Variants in OTULINL observed in about 807,000 individuals in gnomAD.
OTULINL encodes the protein OTU deubiquitinase with linear linkage specificity like.
OTULINL carries 42 observed loss-of-function variants against 43.9 expected under a neutral mutation model. The observed-to-expected ratio is 0.96, with a 90% CI of 0.75 to 1.24. The LOEUF is 1.24. Among genes scored for constraint, OTULINL ranks in the 50% most tolerant of loss-of-function variants. The pLI is 0.00. For missense variants in OTULINL, 411 were observed against 426.4 expected, an observed-to-expected ratio of 0.96 and a Z score of 0.32; for synonymous variants, 172 against 153.6, an observed-to-expected ratio of 1.12 and a Z score of -0.88.
chr5:14,589,109 C>T (rs1759155857), intron 1 of OTULINL, among the ~76,000 whole-genome samples: 1 of 152,152 alleles, frequency 6.6e-6, no homozygotes, highest in South Asian at 2.1e-4. Flanking sequence ...ACTCAGAAAG[C>T]AGAGTGAAAA....
chr5:14,610,466 G>A lies in OTULINL; in HGVS notation c.*152G>A. On this transcript the variant is annotated 3_prime_UTR_variant, in exon 8 of 8. Transcript: ENST00000274217. ...GGTACACTGGATGCAGCCATGCATG[G>A]ATGGTTTTTCTTTATTTTTCAGTGA... is the stretch of plus-strand genomic sequence containing the variant. The A allele has an allele frequency of 1.4e-6, 1 of 738,016 alleles. No individual in the cohort carries two copies. The highest frequency in any genetic ancestry group is 2.1e-6 in the Non-Finnish European group (1 of 468,322). The allele number at this position is 738,016 out of a possible 1,614,324, so 45.7% of individuals were successfully genotyped here.
Position 14,610,283 on chromosome 5 carries a change from A to C in OTULINL, c.1040A>C (p.Asn347Thr), listed in dbSNP as rs996320968. ...DWPEISLLTENDRHYHIPVF is the reference protein window; with the variant it reads ...DWPEISLLTETDRHYHIPVF The stretch of plus-strand genomic sequence containing the variant: ...CCGGAGATCTCCCTGCTGACCGAGA[A>C]CGACCGCCACTACCACATTCCAGTC... Residue 347 changes from asparagine to threonine, a missense_variant, in exon 8 of 8, where the codon AAC (asparagine) becomes ACC (threonine). Coordinates refer to ENST00000274217, the MANE Select transcript of OTULINL (RefSeq NM_019018.3). 3 of 1,611,318 alleles carry C rather than the reference A, an allele frequency of 1.9e-6. No homozygotes were observed. The Admixed American group carries it at 5.0e-5, about 27-fold the overall frequency.
intron 5 of OTULINL, among the ~76,000 whole-genome samples, chr5:14,604,431 T>C (rs543361584): frequency 2.4e-4 from 36 of 152,286 alleles, no homozygotes; most frequent in Admixed American, 5.2e-4. Flanking sequence ...ATCTCACATC[T>C]TCACATTTCA....
chr5:14,602,057 G>A (rs1759396937), intron 4 of OTULINL, 126 bp from the exon 5 acceptor site: 2 of 666,224 alleles, frequency 3.0e-6, no homozygotes, highest in Admixed American at 3.4e-5. Context: ...GGTCATATTC[G>A]TAATTTATCA....
At position 14,601,333 on chromosome 5, in the gene OTULINL, A is replaced by AT; in HGVS notation, c.257-12dup. ...AGAAAGGGAGAATTAACAGCTTTTT[A>AT]TTTTTTATTTGGTCCAGGGAACCTC... On this transcript the variant is annotated splice_polypyrimidine_tract_variant and intron_variant, in intron 3 of 7. Transcript: ENST00000274217. 6.2e-7 allele frequency: 1 copy of AT among 1,612,866 alleles called. No individual in the cohort carries two copies. The highest frequency in any genetic ancestry group is 8.5e-7 in the Non-Finnish European group (1 of 1,179,504).
intron 1 of OTULINL, among the ~76,000 whole-genome samples, chr5:14,595,276 C>T (rs748426995): frequency 1.8e-4 from 28 of 152,048 alleles, no homozygotes; most frequent in Non-Finnish European, 3.2e-4. Flanking sequence ...ATTGTATATA[C>T]CATGAATAAG....
chr5:14,592,789 A>G (rs555968549), intron 1 of OTULINL, among the ~76,000 whole-genome samples: 1 of 152,286 alleles, frequency 6.6e-6, no homozygotes, highest in African/African-American at 2.4e-5. Flanking sequence ...GAACACCTCA[A>G]TCTCTTGCTT....
chr5:14,595,061 A>C (rs180722844), intron 1 of OTULINL, among the ~76,000 whole-genome samples: 76 of 152,280 alleles, frequency 5.0e-4, no homozygotes, highest in African/African-American at 1.8e-3. Context: ...AGGTGATTTC[A>C]CTGTATGTAT....
At chr5:14,607,186 C>T (rs1292475983) in intron 5 of OTULINL, 144 bp from the exon 6 acceptor site, 13 of 836,754 alleles carry the variant, frequency 1.6e-5, no homozygotes, top group East Asian at 5.8e-5. Context: ...GCCGAGATCA[C>T]GCCACTGCAC....
chr5:14,602,082 C>T, intron 4 of OTULINL, 101 bp from the exon 5 acceptor site: 1 of 822,408 alleles, frequency 1.2e-6, no homozygotes, highest in East Asian at 2.9e-5. Context: ...TTCTGTTGTC[C>T]ACTTTAGTTG....
Position 14,611,580 on chromosome 5 carries a change from G to GAT in OTULINL, c.*1268_*1269dup, listed in dbSNP as rs1311744506. The GAT allele has an allele frequency of 6.6e-6, 1 of 152,194 alleles. No individual in the cohort carries two copies. The allele number at this position is 152,194 out of a possible 1,614,324, so 9.4% of individuals were successfully genotyped here. A position where few individuals can be genotyped will look rare whatever the true frequency, so the allele number is the denominator to read the frequency against. ...GGACCTCTAATCTGCAGAACTGTAA[G>GAT]ATAATAGATTTGTGTTTAAGCCACT... On this transcript the variant is annotated 3_prime_UTR_variant, in exon 8 of 8. Coordinates refer to ENST00000274217, the MANE Select transcript of OTULINL (RefSeq NM_019018.3).
At position 14,615,553 on chromosome 5, in the gene OTULINL, G is replaced by C. The variant is rs1368729605; in HGVS notation, c.*5239G>C. 6.6e-6 allele frequency among the ~76,000 whole-genome samples: 1 copy of C among 152,158 alleles called. No homozygotes were observed. The highest frequency in any genetic ancestry group is 1.5e-5 in the Non-Finnish European group (1 of 68,042). On this transcript the variant is annotated 3_prime_UTR_variant, in exon 8 of 8. Transcript: ENST00000274217. ...CATCTGTGACTCCCTTAAATAAAAAGGGCCAGAGATGAGGGGACGCCTGGT... is the reference window on the plus strand; with the variant it reads ...CATCTGTGACTCCCTTAAATAAAAACGGCCAGAGATGAGGGGACGCCTGGT...
chr5:14,612,322 T>C lies in OTULINL; in HGVS notation c.*2008T>C, dbSNP rs1021736125. The C allele has an allele frequency of 7.9e-5, 12 of 152,320 alleles. 1 individual carries two copies. The highest frequency in any genetic ancestry group is 6.2e-4 in the South Asian group (3 of 4,826). The allele number at this position is 152,320 out of a possible 1,614,324, so 9.4% of individuals were successfully genotyped here. A position where few individuals can be genotyped will look rare whatever the true frequency, so the allele number is the denominator to read the frequency against. ...GTATTACCACTCACCTTGGATCTCCTTACTAGTGTAATTATTTCCACATCA... is the reference window on the plus strand; with the variant it reads ...GTATTACCACTCACCTTGGATCTCCCTACTAGTGTAATTATTTCCACATCA... On this transcript the variant is annotated 3_prime_UTR_variant, in exon 8 of 8. Coordinates refer to ENST00000274217, the MANE Select transcript of OTULINL (RefSeq NM_019018.3).
At chr5:14,587,120 A>T (rs1230754137) in intron 1 of OTULINL, among the ~76,000 whole-genome samples, 2 of 152,234 alleles carry the variant, frequency 1.3e-5, no homozygotes, top group African/African-American at 4.8e-5. Context: ...CTCCAAGTTT[A>T]AGAGAAGTGA....
rs1479585195 is a variant in OTULINL at position 14,614,691 on chromosome 5, A to G, written c.*4377A>G. 2 of 398,356 alleles carry G rather than the reference A, an allele frequency of 5.0e-6. No homozygotes were observed. The highest frequency in any genetic ancestry group is 3.6e-5 in the East Asian group (1 of 28,076). The allele number at this position is 398,356 out of a possible 1,614,324, so 24.7% of individuals were successfully genotyped here. On this transcript the variant is annotated 3_prime_UTR_variant, in exon 8 of 8. Coordinates refer to ENST00000274217, the MANE Select transcript of OTULINL (RefSeq NM_019018.3). ...CACCATGTCTCTGCACTTGAAGCTC[A>G]TGGAATGTGTTGGAGGAGACTCAAG... is the stretch of plus-strand genomic sequence containing the variant.
At chr5:14,603,908 G>A (rs890609570) in intron 5 of OTULINL, among the ~76,000 whole-genome samples, 1 of 152,184 alleles carries the variant, frequency 6.6e-6, no homozygotes, top group Admixed American at 6.5e-5. Context: ...GCGCACGTGT[G>A]TGTGTGTTCA....
intron 1 of OTULINL, among the ~76,000 whole-genome samples, chr5:14,593,056 T>A (rs918339014): frequency 3.9e-5 from 6 of 152,228 alleles, no homozygotes; most frequent in Non-Finnish European, 8.8e-5. Flanking sequence ...ACTAGGAGTC[T>A]GTCTGTTAGT....
At chr5:14,607,240 A>G (rs758782108) in intron 5 of OTULINL, 90 bp from the exon 6 acceptor site, 65 of 1,380,960 alleles carry the variant, frequency 4.7e-5, no homozygotes, top group Non-Finnish European at 2.0e-5. Flanking sequence ...GAAAAAAAAA[A>G]AGATAAGGTT....
rs1022075213 is a variant in OTULINL, at chr5:14,581,807, G to T, written c.-88G>T. ...TCCCCAGCCCGCCTCAGGGAAGCGAGCCCGGGCGCCGGCGGGCGGCCGTCG... is the reference window on the plus strand; with the variant it reads ...TCCCCAGCCCGCCTCAGGGAAGCGATCCCGGGCGCCGGCGGGCGGCCGTCG... On this transcript the variant is annotated 5_prime_UTR_variant, in exon 1 of 8. Coordinates refer to ENST00000274217, the MANE Select transcript of OTULINL (RefSeq NM_019018.3). 6.2e-5 allele frequency: 70 copies of T among 1,121,040 alleles called. No homozygotes were observed. The highest frequency in any genetic ancestry group is 6.7e-5 in the Non-Finnish European group (59 of 874,772). 69.4% of individuals were successfully genotyped at this position (1,121,040 alleles called of 1,614,324 possible).
Sources: allele counts gnomAD v4.1 joint callset (sites outside exome capture counted in the v4.1 genomes callset), GRCh38; gene constraint gnomAD v4.1.1; transcripts MANE v1.5; gene names NCBI Gene and HGNC (gene_info 2026-07-23, HGNC 2026-07-21).